The following ESRRB variants were observed in gnomAD, a reference collection of about 807,000 sequenced individuals.
ESRRB encodes the protein estrogen related receptor beta, also known as steroid hormone receptor ERR2.
ESRRB carries 16 observed loss-of-function variants against 46.0 expected under a neutral mutation model. The observed-to-expected ratio is 0.35, with a 90% CI of 0.24 to 0.53. The LOEUF is 0.53. ESRRB is among the 20% of genes least tolerant of loss of function. The pLI is 0.93. For synonymous variants in ESRRB, 246 were observed against 259.6 expected, an observed-to-expected ratio of 0.95 and a Z score of 0.50; for missense variants, 488 against 607.4, an observed-to-expected ratio of 0.80 and a Z score of 2.07.
chr14:76,315,033 CACCAGG>C (rs1220855079), intron 1 of ESRRB, among the ~76,000 whole-genome samples: 1 of 152,102 alleles, frequency 6.6e-6, no homozygotes, highest in East Asian at 1.9e-4. Context: ...TCAGCAGAGG[CACCAGG>C]GTGCCAACTT....
At chr14:76,369,506 TCA>T (rs1249175416), upstream of ESRRB, among the ~76,000 whole-genome samples, 2 of 152,054 alleles carry the variant, frequency 1.3e-5, no homozygotes, top group Non-Finnish European at 2.9e-5. Flanking sequence ...ACTCCTGAGC[TCA>T]GGTGATCCAC....
At chr14:76,387,695 G>A (rs1054019207) in intron 1 of ESRRB, among the ~76,000 whole-genome samples, 34 of 152,338 alleles carry the variant, frequency 2.2e-4, no homozygotes, top group Non-Finnish European at 3.5e-4. Flanking sequence ...TCCAGCTGCT[G>A]AATATGCAGA....
chr14:76,451,287 G>GGCCGGGCGCGGTGGCTCACGCCTGT (rs1566905748), intron 2 of ESRRB, among the ~76,000 whole-genome samples: 1 of 151,954 alleles, frequency 6.6e-6, no homozygotes, highest in African/African-American at 2.4e-5. Context: ...TCAGCTTCAC[G>GGCCGGGCGCGGTGGCTCACGCCTGT]ATTTCTTAGT....
intron 2 of ESRRB, among the ~76,000 whole-genome samples, chr14:76,447,833 G>A (rs1025015897): frequency 8.6e-5 from 13 of 152,004 alleles, no homozygotes; most frequent in African/African-American, 2.9e-4. Flanking sequence ...TCAGGCCACC[G>A]CTGACTCCCA....
chr14:76,373,545 C>T (rs925794686), upstream of ESRRB, among the ~76,000 whole-genome samples: 5 of 152,186 alleles, frequency 3.3e-5, no homozygotes, highest in Admixed American at 3.3e-4. Flanking sequence ...GGGCCCCATG[C>T]ACAGTGTGGG....
intron 1 of ESRRB, among the ~76,000 whole-genome samples, chr14:76,340,378 T>C (rs533351416): frequency 6.6e-6 from 1 of 152,356 alleles, no homozygotes; most frequent in African/African-American, 2.4e-5. Flanking sequence ...GTTTTCTTTT[T>C]ACTCAGAGTT....
chr14:76,490,787 G>T (rs533473591), intron 5 of ESRRB, among the ~76,000 whole-genome samples: 1 of 152,326 alleles, frequency 6.6e-6, no homozygotes, highest in African/African-American at 2.4e-5. Flanking sequence ...TAAGCAGAGA[G>T]TTATGGCCCG....
Position 76,389,219 on chromosome 14 carries a change from A to G in ESRRB, c.50+12768A>G, listed in dbSNP as rs1885368383. ...CTATTTATCCTTTAAAACCCTGCTC[A>G]GGTATCCCCCTCTGTGTGGAGGCAT... On this transcript the variant is annotated intron_variant, in intron 1 of 6. Transcript: ENST00000644823. Among the ~76,000 whole-genome samples, 3 of 152,180 alleles carry G rather than the reference A, an allele frequency of 2.0e-5. No homozygotes were observed. The South Asian group carries it at 6.2e-4, about 32-fold the overall frequency.
intron 5 of ESRRB, among the ~76,000 whole-genome samples, chr14:76,485,857 G>A (rs1260526678): frequency 1.3e-5 from 2 of 152,142 alleles, no homozygotes; most frequent in Non-Finnish European, 2.9e-5. Flanking sequence ...CGCATCTCAC[G>A]AGAGGGCATT....
chr14:76,330,765 A>G (rs1884004221), intron 1 of ESRRB, among the ~76,000 whole-genome samples: 1 of 152,212 alleles, frequency 6.6e-6, no homozygotes, highest in South Asian at 2.1e-4. Context: ...GCAAAGGCTC[A>G]GGGTGAATCC....
intron 2 of ESRRB, among the ~76,000 whole-genome samples, chr14:76,458,939 G>A (rs1233261709): frequency 2.0e-5 from 3 of 151,412 alleles, no homozygotes; most frequent in Non-Finnish European, 4.4e-5. Flanking sequence ...CTGGCTCCTG[G>A]GTTCAAGCAA....
At chr14:76,437,345 T>C (rs996144273) in intron 1 of ESRRB, among the ~76,000 whole-genome samples, 1 of 152,126 alleles carries the variant, frequency 6.6e-6, no homozygotes, top group Non-Finnish European at 1.5e-5. Context: ...AGGGCTTAAT[T>C]TGTATTAATC....
intron 2 of ESRRB, among the ~76,000 whole-genome samples, chr14:76,450,646 G>A (rs1888346544): frequency 6.6e-6 from 1 of 152,198 alleles, no homozygotes; most frequent in Admixed American, 6.5e-5. Flanking sequence ...TCCCCTAGGA[G>A]AGGGGAAGGG....
At chr14:76,360,889 C>T (rs1162056867) in intron 1 of ESRRB, among the ~76,000 whole-genome samples, 1 of 152,192 alleles carries the variant, frequency 6.6e-6, no homozygotes, top group Non-Finnish European at 1.5e-5. Flanking sequence ...ATTGACCTTA[C>T]TCATTTCCCC....
chr14:76,391,412 G>A (rs57678628), intron 1 of ESRRB, among the ~76,000 whole-genome samples: 17 of 152,216 alleles, frequency 1.1e-4, no homozygotes, highest in Non-Finnish European at 1.9e-4. Context: ...GCCCTTTTCC[G>A]ATGGCAAGTG....
At chr14:76,373,754 G>T (rs543237951), upstream of ESRRB, among the ~76,000 whole-genome samples, 95 of 152,360 alleles carry the variant, frequency 6.2e-4, no homozygotes, top group African/African-American at 2.3e-3. Flanking sequence ...GTCTCTAGGA[G>T]TTCATTCCTG....
intron 1 of ESRRB, among the ~76,000 whole-genome samples, chr14:76,385,331 C>T (rs988553321): frequency 1.8e-4 from 28 of 152,062 alleles, no homozygotes; most frequent in African/African-American, 6.8e-4. Context: ...GGCTGTGCTG[C>T]TTAGGTTGAG....
At chr14:76,370,980 C>A (rs1884609191), upstream of ESRRB, among the ~76,000 whole-genome samples, 1 of 152,174 alleles carries the variant, frequency 6.6e-6, no homozygotes, top group South Asian at 2.1e-4. Context: ...TATTCCAAGA[C>A]CCCTGGTAGG....
intron 2 of ESRRB, among the ~76,000 whole-genome samples, chr14:76,452,706 T>C (rs887726045): frequency 5.9e-5 from 9 of 151,844 alleles, no homozygotes; most frequent in African/African-American, 2.2e-4. Flanking sequence ...TTGTGGATGC[T>C]AAGGGAAGGA....
Sources: allele counts gnomAD v4.1 joint callset (sites outside exome capture counted in the v4.1 genomes callset), GRCh38; gene constraint gnomAD v4.1.1; transcripts MANE v1.5; gene names NCBI Gene and HGNC (gene_info 2026-07-23, HGNC 2026-07-21).